Variants in VTI1A observed in about 807,000 individuals in gnomAD.
VTI1A encodes vesicle transport through interaction with t-SNAREs 1A.
VTI1A carries 22 observed loss-of-function variants against 34.9 expected under a neutral mutation model. The ratio of observed to expected loss-of-function variants is 0.63; its 90% confidence interval spans 0.45 to 0.90. The LOEUF (loss-of-function observed/expected upper bound fraction) is 0.90. Among genes scored for constraint, VTI1A ranks in the 40% least tolerant of loss-of-function variants. The probability of loss-of-function intolerance (pLI) is 0.00; values close to 1 mark genes in which losing one functional copy is unlikely to be tolerated. For synonymous variants in VTI1A, 87 were observed against 97.3 expected, an observed-to-expected ratio of 0.89 and a Z score of 0.62; for missense variants, 268 against 275.6, an observed-to-expected ratio of 0.97 and a Z score of 0.20.
At chr10:112,701,978 G>A (rs939720421) in intron 7 of VTI1A, among the ~76,000 whole-genome samples, 2 of 152,174 alleles carry the variant, frequency 1.3e-5, no homozygotes, top group African/African-American at 4.8e-5. Context: ...CTTGCAGCAT[G>A]ATCATGGGTA....
downstream of VTI1A, among the ~76,000 whole-genome samples, chr10:112,822,984 A>G (rs1408343633): frequency 1.3e-5 from 2 of 152,334 alleles, no homozygotes; most frequent in East Asian, 1.9e-4. Context: ...ACTCACTCCA[A>G]TCCCGGGCAA....
rs368464364 is a variant in VTI1A, at chr10:112,623,600, T to TCC, written c.428-44615_428-44614dup. 5.4e-3 allele frequency among the ~76,000 whole-genome samples: 826 copies of TCC among 152,160 alleles called. 5 individuals carry two copies. The highest frequency in any genetic ancestry group is 0.017 in the Middle Eastern group (5 of 294). On this transcript the variant is annotated intron_variant, in intron 5 of 7. Transcript: ENST00000393077. Reference sequence around the variant, plus strand: ...CTACTGTGTGGCCAGGGGCACATTCTCCCCAACAGGTCTTAGAACAAGAGA... The same window carrying TCC: ...CTACTGTGTGGCCAGGGGCACATTCTCCCCCCAACAGGTCTTAGAACAAGAGA...
At chr10:112,788,143 G>A (rs1347435889) in intron 7 of VTI1A, among the ~76,000 whole-genome samples, 1 of 151,832 alleles carries the variant, frequency 6.6e-6, no homozygotes, top group East Asian at 1.9e-4. Context: ...TATGGTCTAT[G>A]TATGTTCTAT....
chr10:112,651,577 G>A (rs1847021550), intron 5 of VTI1A, among the ~76,000 whole-genome samples: 1 of 152,208 alleles, frequency 6.6e-6, no homozygotes, highest in African/African-American at 2.4e-5. Context: ...CCAAAGTGCT[G>A]GGATTACAGG....
chr10:112,834,377 GA>G, the VTI1A span, among the ~76,000 whole-genome samples: 1 of 152,190 alleles, frequency 6.6e-6, no homozygotes, highest in Non-Finnish European at 1.5e-5. Flanking sequence ...GAGGAGTTGA[GA>G]ACATCAAGAG....
chr10:112,611,773 G>A (rs997809937), intron 5 of VTI1A, among the ~76,000 whole-genome samples: 3 of 100,342 alleles, frequency 3.0e-5, no homozygotes, highest in Non-Finnish European at 5.5e-5. Flanking sequence ...ACGGAGTCTC[G>A]CTCTGTCGCC....
intron 5 of VTI1A, among the ~76,000 whole-genome samples, chr10:112,539,804 A>C (rs1850793103): frequency 6.6e-6 from 1 of 152,232 alleles, no homozygotes; most frequent in South Asian, 2.1e-4. Flanking sequence ...ACCAAAAAAC[A>C]CATATACAAA....
intron 7 of VTI1A, chr10:112,737,677 A>G (rs1850540332): frequency 8.5e-6 from 9 of 1,054,478 alleles, no homozygotes; most frequent in African/African-American, 1.7e-5. Flanking sequence ...CACTCCATCC[A>G]TGTGCGGATG....
At chr10:112,604,602 A>G (rs1013061770) in intron 5 of VTI1A, among the ~76,000 whole-genome samples, 7 of 152,232 alleles carry the variant, frequency 4.6e-5, no homozygotes, top group African/African-American at 1.4e-4. Context: ...ACACAACCAG[A>G]TGTATCTCTG....
chr10:112,480,474 G>A (rs1389009151), intron 3 of VTI1A, among the ~76,000 whole-genome samples: 1 of 152,100 alleles, frequency 6.6e-6, no homozygotes, highest in African/African-American at 2.4e-5. Flanking sequence ...GGTACAGATG[G>A]GATCGTACGT....
At chr10:112,745,669 G>A (rs1366697380) in intron 7 of VTI1A, among the ~76,000 whole-genome samples, 3 of 152,170 alleles carry the variant, frequency 2.0e-5, no homozygotes, top group South Asian at 2.1e-4. Context: ...CAGCCACACC[G>A]ATGCTGTCCA....
At chr10:112,734,185 A>G (rs1182369060) in intron 7 of VTI1A, among the ~76,000 whole-genome samples, 1 of 151,956 alleles carries the variant, frequency 6.6e-6, no homozygotes, top group Non-Finnish European at 1.5e-5. Flanking sequence ...CCACCTCAAA[A>G]TAGGGTTCAA....
At chr10:112,503,222 A>G (rs1166105427) in intron 3 of VTI1A, among the ~76,000 whole-genome samples, 1 of 152,066 alleles carries the variant, frequency 6.6e-6, no homozygotes, top group Non-Finnish European at 1.5e-5. Context: ...TTTCTGTCTT[A>G]CTGTATATTT....
intron 5 of VTI1A, among the ~76,000 whole-genome samples, chr10:112,651,455 C>G (rs1300501948): frequency 1.3e-5 from 2 of 152,192 alleles, no homozygotes; most frequent in African/African-American, 4.8e-5. Context: ...GGATTACAGG[C>G]ATGCACCACC....
chr10:112,462,859 C>G (rs546481872), intron 2 of VTI1A, among the ~76,000 whole-genome samples: 2 of 152,252 alleles, frequency 1.3e-5, no homozygotes, highest in Non-Finnish European at 2.9e-5. Flanking sequence ...GTGATTTTAG[C>G]AGACATGGCC....
chr10:112,536,459 A>C (rs1463861977), intron 4 of VTI1A, among the ~76,000 whole-genome samples: 1 of 152,196 alleles, frequency 6.6e-6, no homozygotes, highest in African/African-American at 2.4e-5. Context: ...AATTTTATTT[A>C]AAAATAGTCA....
At chr10:112,580,426 G>A (rs1381745006) in intron 5 of VTI1A, among the ~76,000 whole-genome samples, 1 of 152,200 alleles carries the variant, frequency 6.6e-6, no homozygotes, top group Non-Finnish European at 1.5e-5. Context: ...ATGTCAAGGT[G>A]ACTCAGCAGG....
intron 5 of VTI1A, among the ~76,000 whole-genome samples, chr10:112,579,991 GAA>G (rs1843860987): frequency 6.6e-6 from 1 of 152,082 alleles, no homozygotes; most frequent in Admixed American, 6.5e-5. Flanking sequence ...TTCTTTTTAA[GAA>G]AAAGTGACTG....
intron 7 of VTI1A, chr10:112,736,698 A>C: frequency 6.4e-7 from 1 of 1,551,760 alleles, no homozygotes; most frequent in Non-Finnish European, 8.7e-7. Context: ...AATGCTACAT[A>C]AGGATTTCTC....
Sources: allele counts gnomAD v4.1 joint callset (sites outside exome capture counted in the v4.1 genomes callset), GRCh38; gene constraint gnomAD v4.1.1; transcripts MANE v1.5; gene names NCBI Gene and HGNC (gene_info 2026-07-23, HGNC 2026-07-21).